Variants in CNKSR3 observed in about 807,000 individuals in gnomAD.
CNKSR3 encodes the protein connector enhancer of kinase suppressor of ras 3.
Under a neutral mutation model 67.7 loss-of-function variants are expected in CNKSR3, and 36 were observed. That is an observed-to-expected ratio of 0.53 (90% CI 0.41 to 0.70). The LOEUF (loss-of-function observed/expected upper bound fraction) is 0.70. Ranked by LOEUF, CNKSR3 falls within the 30% of genes least tolerant of loss-of-function variation. The pLI is 0.00. For missense variants in CNKSR3, 630 were observed against 695.2 expected (o/e 0.91, Z 1.05); for synonymous variants, 281 against 271.4 (o/e 1.04, Z -0.35).
intron 1 of CNKSR3, among the ~76,000 whole-genome samples, chr6:154,486,358 C>T (rs573718860): frequency 1.7e-4 from 26 of 150,750 alleles, no homozygotes; most frequent in African/African-American, 6.4e-4. Context: ...TGCAGTCGTG[C>T]GATCTCGGCT....
At chr6:154,408,259 G>A (rs986262536) in intron 12 of CNKSR3, among the ~76,000 whole-genome samples, 5 of 152,134 alleles carry the variant, frequency 3.3e-5, no homozygotes, top group Admixed American at 2.0e-4. Context: ...TGCTGACCTC[G>A]TGATCCGCCT....
At chr6:154,410,742 A>G (rs1243672977) in intron 11 of CNKSR3, among the ~76,000 whole-genome samples, 192 bp downstream of exon 11, 1 of 152,184 alleles carries the variant, frequency 6.6e-6, no homozygotes, top group African/African-American at 2.4e-5. Context: ...TGCCAGGCAG[A>G]GTAATGACTC....
At chr6:154,438,147 A>G (rs1448726700) in intron 4 of CNKSR3, among the ~76,000 whole-genome samples, 1 of 152,134 alleles carries the variant, frequency 6.6e-6, no homozygotes, top group Non-Finnish European at 1.5e-5. Context: ...AGTAGGTATT[A>G]TTTTTTAAGT....
At chr6:154,442,579 G>A (rs71573684) in intron 2 of CNKSR3, among the ~76,000 whole-genome samples, 3 of 152,212 alleles carry the variant, frequency 2.0e-5, no homozygotes, top group Admixed American at 6.5e-5. Flanking sequence ...CCGAGATGGC[G>A]CCACTGCACT....
At chr6:154,463,488 C>T (rs1352325272) in intron 1 of CNKSR3, among the ~76,000 whole-genome samples, 1 of 152,208 alleles carries the variant, frequency 6.6e-6, no homozygotes, top group Non-Finnish European at 1.5e-5. Flanking sequence ...CTGCAGCCTG[C>T]AGTACGGCAG....
intron 1 of CNKSR3, among the ~76,000 whole-genome samples, chr6:154,464,596 A>G (rs1193850179): frequency 1.3e-5 from 2 of 151,466 alleles, no homozygotes; most frequent in East Asian, 3.9e-4. Flanking sequence ...CTCACCTGTA[A>G]TCCCAGCTAC....
At chr6:154,416,582 C>T (rs1785028751) in intron 9 of CNKSR3, among the ~76,000 whole-genome samples, 1 of 152,142 alleles carries the variant, frequency 6.6e-6, no homozygotes, top group Admixed American at 6.5e-5. Context: ...ACTCTCATTT[C>T]CCAGGAGTGT....
rs1476988091 is a variant in CNKSR3, at chr6:154,403,672, A to T, written c.*2682T>A. 1.3e-5 allele frequency: 2 copies of T among 152,004 alleles called. No individual in the cohort carries two copies. The highest frequency in any genetic ancestry group is 1.9e-4 in the East Asian group (1 of 5,188). 9.4% of individuals were successfully genotyped at this position (152,004 alleles called of 1,614,324 possible). ...GAGAAAACCTCAAATAAAAAGAAAG[A>T]TGAAGCTGTGGAGGGTGACTGCAAG... On this transcript the variant is annotated 3_prime_UTR_variant, in exon 13 of 13. Coordinates refer to ENST00000607772, the MANE Select transcript of CNKSR3 (RefSeq NM_173515.4).
intron 4 of CNKSR3, among the ~76,000 whole-genome samples, chr6:154,437,250 A>G (rs1035155597): frequency 1.3e-5 from 2 of 152,150 alleles, no homozygotes; most frequent in Non-Finnish European, 2.9e-5. Context: ...CAGCTGCAAG[A>G]GAATGTGAAG....
rs767838496 is a variant in CNKSR3, at chr6:154,486,278, CTT to C, written c.52+23783_52+23784del. Reference sequence around the variant, plus strand: ...ATTTAAAAAGGTACAACTGTCTTCTCTTTTCTCTCTCTCTCTTTTTCTTTTTT... The same window carrying C: ...ATTTAAAAAGGTACAACTGTCTTCTCTTCTCTCTCTCTCTTTTTCTTTTTT... On this transcript the variant is annotated intron_variant, in intron 1 of 12. Coordinates refer to ENST00000607772, the MANE Select transcript of CNKSR3 (RefSeq NM_173515.4). Among the ~76,000 whole-genome samples, 129 of 150,836 alleles carry C rather than the reference CTT, an allele frequency of 8.6e-4. 1 individual carries two copies. The highest frequency in any genetic ancestry group is 1.4e-3 in the Non-Finnish European group (98 of 67,772).
At chr6:154,418,993 A>T (rs1785079335) in intron 9 of CNKSR3, among the ~76,000 whole-genome samples, 3 of 150,246 alleles carry the variant, frequency 2.0e-5, no homozygotes, top group African/African-American at 7.3e-5. Flanking sequence ...ACCTGATTTT[A>T]AAAATGGGTA....
rs35873703 is a variant in CNKSR3 at position 154,415,228 on chromosome 6, A to ATTTTTTTTTTTT, written c.946-817_946-806dup. ...TCCTGGCTAGACTTACTAGCTGCCC[A>ATTTTTTTTTTTT]TTTTTTTTTTTTTTTTTTTTAAGAT... On this transcript the variant is annotated intron_variant, in intron 9 of 12. Transcript: ENST00000607772. 4.3e-4 allele frequency among the ~76,000 whole-genome samples: 51 copies of ATTTTTTTTTTTT among 118,110 alleles called. 6 individuals carry two copies. The highest frequency in any genetic ancestry group is 1.4e-3 in the African/African-American group (41 of 30,270). The allele number at this position is 118,110 out of a possible 152,430, so 77.5% of individuals were successfully genotyped here. A position where few individuals can be genotyped will look rare whatever the true frequency, so the allele number is the denominator to read the frequency against.
At chr6:154,450,708 C>T (rs144010928) in intron 1 of CNKSR3, among the ~76,000 whole-genome samples, 170 of 152,316 alleles carry the variant, frequency 1.1e-3, no homozygotes, top group African/African-American at 3.9e-3. Context: ...ATACACCAGC[C>T]AGTCACAGGT....
intron 11 of CNKSR3, 37 bp downstream of exon 11, chr6:154,410,897 G>C: frequency 4.5e-6 from 7 of 1,547,362 alleles, no homozygotes; most frequent in Non-Finnish European, 6.2e-6. Context: ...GAGAAGTCAA[G>C]GCCAACGGCA....
intron 4 of CNKSR3, among the ~76,000 whole-genome samples, chr6:154,435,967 G>A (rs779992181): frequency 6.6e-6 from 1 of 152,212 alleles, no homozygotes; most frequent in Non-Finnish European, 1.5e-5. Flanking sequence ...AGAATTCGGT[G>A]TGATGGCACG....
intron 1 of CNKSR3, among the ~76,000 whole-genome samples, chr6:154,503,286 C>A (rs1787034096): frequency 6.6e-6 from 1 of 152,172 alleles, no homozygotes; most frequent in Non-Finnish European, 1.5e-5. Flanking sequence ...GACCACCCCA[C>A]AACTCCCTTC....
chr6:154,428,017 C>T (rs1785289311), intron 7 of CNKSR3, 111 bp downstream of exon 7: 1 of 711,006 alleles, frequency 1.4e-6, no homozygotes, highest in Non-Finnish European at 2.5e-6. Flanking sequence ...GGTACCCACG[C>T]TCTCACAATA....
At chr6:154,494,610 A>G (rs765875613) in intron 1 of CNKSR3, among the ~76,000 whole-genome samples, 1 of 152,162 alleles carries the variant, frequency 6.6e-6, no homozygotes, top group Non-Finnish European at 1.5e-5. Flanking sequence ...TATTAACCTA[A>G]CCTGAGAGAA....
intron 1 of CNKSR3, among the ~76,000 whole-genome samples, chr6:154,475,583 C>T (rs1786428946): frequency 6.6e-6 from 1 of 152,130 alleles, no homozygotes; most frequent in Non-Finnish European, 1.5e-5. Context: ...TGGGCATTTC[C>T]CAGGGCCTCT....
Sources: gnomAD v4.1 joint callset for allele counts (sites outside exome capture counted in the v4.1 genomes callset) on GRCh38, gnomAD v4.1.1 for gene constraint, MANE v1.5 for transcripts, NCBI Gene and HGNC (gene_info 2026-07-23, HGNC 2026-07-21) for gene names.